KCNK13: variants seen among roughly 807,000 people sequenced by gnomAD.
KCNK13 encodes potassium two pore domain channel subfamily K member 13.
In KCNK13, 12 loss-of-function variants were observed where a neutral mutation model predicts 23.4. The ratio of observed to expected loss-of-function variants is 0.51; its 90% CI spans 0.33 to 0.83. KCNK13 has a LOEUF of 0.83. Ranked by LOEUF, KCNK13 falls within the 40% of genes least tolerant of loss-of-function variation. The probability of loss-of-function intolerance (pLI) is 0.02; values close to 1 mark genes in which losing one functional copy is unlikely to be tolerated. For synonymous variants in KCNK13, 231 were observed against 229.5 expected (o/e 1.01, Z -0.06); for missense variants, 463 against 556.3 (o/e 0.83, Z 1.69).
At chr14:90,120,753 C>G (rs997516260) in intron 1 of KCNK13, among the ~76,000 whole-genome samples, 3 of 152,162 alleles carry the variant, frequency 2.0e-5, no homozygotes, top group African/African-American at 7.2e-5. Context: ...CCCCCGGCCC[C>G]TCCCAAATCT....
At position 90,138,199 on chromosome 14, in the gene KCNK13, G is replaced by A. The variant is rs1302194274; in HGVS notation, c.335-45912G>A. ...TATTTTCTGTTTGTAGAAGTAATAT[G>A]TGCTCATTGTAAAAATATATATATG... On this transcript the variant is annotated intron_variant, in intron 1 of 1. Coordinates refer to ENST00000282146, the MANE Select transcript of KCNK13 (RefSeq NM_022054.4). Among the ~76,000 whole-genome samples the A allele has an allele frequency of 3.9e-5, 6 of 152,194 alleles. No individual in the cohort carries two copies. The South Asian group carries it at 1.0e-3, about 26-fold the overall frequency.
rs189411519 is a variant in KCNK13 at position 90,084,917 on chromosome 14, A to G, written c.334+22378A>G. On this transcript the variant is annotated intron_variant, in intron 1 of 1. Coordinates refer to ENST00000282146, the MANE Select transcript of KCNK13 (RefSeq NM_022054.4). ...TTATGCTATTTATATAATGTTTTGC[A>G]TTGATTTTTGTTTTTTATTATTATT... Among the ~76,000 whole-genome samples, 481 of 152,010 alleles carry G rather than the reference A, an allele frequency of 3.2e-3. 4 individuals carry two copies. The highest frequency in any genetic ancestry group is 0.011 in the African/African-American group (460 of 41,454).
Position 90,184,558 on chromosome 14 carries a change from A to G in KCNK13, c.782A>G (p.Asn261Ser), listed in dbSNP as rs1280344767. 6.2e-7 allele frequency: 1 copy of G among 1,614,234 alleles called. No homozygotes were observed. Among genetic ancestry groups the G allele is most frequent in the South Asian group, 1.1e-5 (1 of 91,084 alleles). Residue 261 changes from asparagine to serine, a missense_variant, in exon 2 of 2, where the codon AAC becomes AGC. By Grantham distance (46) the Asn-to-Ser change is conservative. This residue lies in a region of KCNK13 where 144 missense variants were observed against 224.0 expected (regional missense o/e 0.64). Transcript: ENST00000282146. The surrounding 1 kb of genome is among the most constrained non-coding windows in gnomAD (Gnocchi z 5.6). ...AGCCAAGGCCTCTATCGCTTTGCCAACTTCGTCTTCATCCTCATGGGTGTC... is the reference window on the plus strand; with the variant it reads ...AGCCAAGGCCTCTATCGCTTTGCCAGCTTCGTCTTCATCCTCATGGGTGTC... ...YESQGLYRFA[N>S]FVFILMGVCC...
At chr14:90,132,516 C>T (rs3897734) in intron 1 of KCNK13, among the ~76,000 whole-genome samples, 14,695 of 149,666 alleles carry the variant, frequency 0.098, 1,027 homozygotes, top group Admixed American at 0.25. Flanking sequence ...TGCACTCCAG[C>T]CTGGGCAACA....
chr14:90,139,420 A>AGG (rs1200258362), intron 1 of KCNK13, among the ~76,000 whole-genome samples: 1 of 152,034 alleles, frequency 6.6e-6, no homozygotes, highest in East Asian at 1.9e-4. Flanking sequence ...ACAGTGAGCA[A>AGG]GGGGGAGAGT....
At chr14:90,121,249 T>G (rs189736852) in intron 1 of KCNK13, among the ~76,000 whole-genome samples, 97 of 152,352 alleles carry the variant, frequency 6.4e-4, no homozygotes, top group African/African-American at 2.2e-3. Context: ...TTGACTTTCA[T>G]CGACAGGTTT....
At chr14:90,078,891 TC>T (rs893148103) in intron 1 of KCNK13, among the ~76,000 whole-genome samples, 1 of 152,188 alleles carries the variant, frequency 6.6e-6, no homozygotes, top group Non-Finnish European at 1.5e-5. Context: ...TGAGTAACTT[TC>T]CCAAGTCCAC....
intron 1 of KCNK13, among the ~76,000 whole-genome samples, chr14:90,142,567 C>T (rs867559822): frequency 5.3e-5 from 8 of 152,176 alleles, no homozygotes; most frequent in Middle Eastern, 3.4e-3. Context: ...ATCCACCCGC[C>T]TCGGCCTCCC....
At chr14:90,138,535 T>G (rs937941018) in intron 1 of KCNK13, among the ~76,000 whole-genome samples, 7 of 152,242 alleles carry the variant, frequency 4.6e-5, no homozygotes, top group Admixed American at 6.5e-5. Flanking sequence ...TTGGAGGTTG[T>G]CTTTGGCTTT....
intron 1 of KCNK13, among the ~76,000 whole-genome samples, chr14:90,167,194 A>G (rs1249412626): frequency 6.6e-6 from 1 of 152,186 alleles, no homozygotes; most frequent in Non-Finnish European, 1.5e-5. Flanking sequence ...GACTGTCCTC[A>G]TTATGGCACA....
intron 1 of KCNK13, among the ~76,000 whole-genome samples, chr14:90,118,365 A>G (rs759339432): frequency 5.9e-5 from 9 of 152,210 alleles, no homozygotes; most frequent in Non-Finnish European, 1.5e-5. Flanking sequence ...TTTTAGAAAC[A>G]TCAAGAACTT....
At chr14:90,077,837 C>T (rs1889158695) in intron 1 of KCNK13, among the ~76,000 whole-genome samples, 1 of 152,160 alleles carries the variant, frequency 6.6e-6, no homozygotes, top group Admixed American at 6.5e-5. Flanking sequence ...TGTGGGGTTG[C>T]TTCCCTTTCA....
intron 1 of KCNK13, among the ~76,000 whole-genome samples, chr14:90,097,971 A>T (rs919605928): frequency 2.8e-4 from 43 of 152,182 alleles, no homozygotes; most frequent in African/African-American, 9.7e-4. Flanking sequence ...GGGAGAATTC[A>T]TCACAAGGAT....
intron 1 of KCNK13, among the ~76,000 whole-genome samples, chr14:90,108,903 G>A (rs113636346): frequency 0.016 from 2,448 of 152,234 alleles, 64 homozygotes; most frequent in African/African-American, 0.056. Context: ...TGGGCCAGGC[G>A]CAGTGGCTGA....
chr14:90,082,648 C>G (rs554154018), intron 1 of KCNK13, among the ~76,000 whole-genome samples: 1 of 152,222 alleles, frequency 6.6e-6, no homozygotes, highest in Non-Finnish European at 1.5e-5. Flanking sequence ...CATGAATGTA[C>G]CACATTTTAT....
At chr14:90,178,510 G>A (rs1448476872) in intron 1 of KCNK13, among the ~76,000 whole-genome samples, 1 of 151,468 alleles carries the variant, frequency 6.6e-6, no homozygotes, top group Non-Finnish European at 1.5e-5. Context: ...GGCTGGTCTT[G>A]AACTCCCGAC....
chr14:90,140,438 G>A (rs1010376060), intron 1 of KCNK13, among the ~76,000 whole-genome samples: 1 of 152,138 alleles, frequency 6.6e-6, no homozygotes, highest in Non-Finnish European at 1.5e-5. Context: ...TGATACTGGG[G>A]GAAGAGGGAA....
intron 1 of KCNK13, among the ~76,000 whole-genome samples, chr14:90,117,692 C>T (rs987561944): frequency 2.6e-5 from 4 of 152,108 alleles, no homozygotes; most frequent in Non-Finnish European, 5.9e-5. Context: ...CAAAACCTTA[C>T]GTAAGGGGGG....
intron 1 of KCNK13, among the ~76,000 whole-genome samples, chr14:90,085,761 T>G (rs1171424943): frequency 7.9e-6 from 1 of 127,358 alleles, no homozygotes; most frequent in Non-Finnish European, 1.6e-5. Flanking sequence ...ATATTATATA[T>G]TATATAAATT....
Sources: allele counts gnomAD v4.1 joint callset (sites outside exome capture counted in the v4.1 genomes callset), GRCh38; gene constraint gnomAD v4.1.1; regional missense constraint gnomAD v4.1.1; non-coding constraint Gnocchi (gnomAD v3.1); transcripts MANE v1.5; gene names NCBI Gene and HGNC (gene_info 2026-07-23, HGNC 2026-07-21).